TFEC: variants seen among roughly 807,000 people sequenced by gnomAD.
TFEC encodes the protein transcription factor EC.
In TFEC, 31 loss-of-function variants were observed where a neutral mutation model predicts 41.6. The ratio of observed to expected loss-of-function variants is 0.74; its 90% confidence interval spans 0.56 to 1.01. The LOEUF (loss-of-function observed/expected upper bound fraction) is 1.01. Ranked by LOEUF, TFEC falls within the 50% of genes least tolerant of loss-of-function variation. TFEC has a pLI of 0.00. For synonymous variants in TFEC, 143 were observed against 140.6 expected (o/e 1.02, Z -0.12); for missense variants, 402 against 404.1 (o/e 0.99, Z 0.04).
intron 1 of TFEC, among the ~76,000 whole-genome samples, chr7:115,993,465 C>A (rs1176775494): frequency 4.6e-5 from 7 of 152,326 alleles, no homozygotes; most frequent in Non-Finnish European, 5.9e-5. Flanking sequence ...ACCCCATCAT[C>A]TCAGCCCAAA....
intron 3 of TFEC, among the ~76,000 whole-genome samples, chr7:116,069,470 T>C (rs1356290402): frequency 6.6e-6 from 1 of 151,654 alleles, no homozygotes; most frequent in Non-Finnish European, 1.5e-5. Flanking sequence ...GAGGAAAAGT[T>C]CAAAGAATAC....
intron 1 of TFEC, among the ~76,000 whole-genome samples, chr7:116,141,167 T>G (rs958579152): frequency 6.6e-6 from 1 of 152,092 alleles, no homozygotes; most frequent in African/African-American, 2.4e-5. Flanking sequence ...GAGGAATGTA[T>G]CAGTAAGGCA....
At chr7:116,029,868 G>T (rs1339168059) in intron 1 of TFEC, among the ~76,000 whole-genome samples, 2 of 151,536 alleles carry the variant, frequency 1.3e-5, no homozygotes, top group Non-Finnish European at 2.9e-5. Flanking sequence ...AGACAAGCCT[G>T]GCCAACATGG....
intron 3 of TFEC, among the ~76,000 whole-genome samples, chr7:116,072,836 T>C (rs901219263): frequency 2.0e-5 from 3 of 151,564 alleles, no homozygotes; most frequent in African/African-American, 7.2e-5. Flanking sequence ...AGGGTATCTA[T>C]GAAAAAACAC....
At chr7:116,118,667 C>G (rs934425486) in intron 1 of TFEC, among the ~76,000 whole-genome samples, 1 of 151,688 alleles carries the variant, frequency 6.6e-6, no homozygotes, top group South Asian at 2.1e-4. Flanking sequence ...AACACTTTTC[C>G]TCTAACAAAA....
chr7:115,963,386 CA>C (rs985304196), intron 3 of TFEC, among the ~76,000 whole-genome samples: 1 of 151,326 alleles, frequency 6.6e-6, no homozygotes, highest in African/African-American at 2.4e-5. Flanking sequence ...GGAAGTTCCT[CA>C]AAAGGTAAGT....
intron 3 of TFEC, among the ~76,000 whole-genome samples, chr7:116,071,147 C>T (rs1234201869): frequency 6.6e-6 from 1 of 150,896 alleles, no homozygotes; most frequent in Non-Finnish European, 1.5e-5. Context: ...GATCAAAAAG[C>T]CAACATTTTT....
In TFEC at chr7:116,148,951, T is replaced by C. The variant is rs564998013; in HGVS notation, c.-69+10839A>G. On this transcript the variant is annotated intron_variant, in intron 1 of 8. Transcript: ENST00000484212. ...CTAATCTCTGAGAAACTTTAAGCGA[T>C]CAGGGAGATAAGGGTAAATGGATCC... Among the ~76,000 whole-genome samples the C allele has an allele frequency of 2.7e-5, 4 of 148,976 alleles. No homozygotes were observed. The South Asian group carries it at 8.4e-4, about 31-fold the overall frequency.
chr7:115,974,361 C>A, intron 2 of TFEC, 105 bp from the exon 3 acceptor site: 2 of 554,240 alleles, frequency 3.6e-6, no homozygotes, highest in East Asian at 4.6e-5. Flanking sequence ...AGTTTTTAGA[C>A]AATTTAAATT....
chr7:115,948,314 T>C (rs1272031812), intron 6 of TFEC, among the ~76,000 whole-genome samples: 20 of 151,378 alleles, frequency 1.3e-4, no homozygotes, highest in Non-Finnish European at 2.8e-4. Context: ...TTCCAATCAA[T>C]AGAAAAAGAG....
In TFEC at chr7:116,079,422, T is replaced by G. The variant is rs4273774; in HGVS notation, c.198+31286A>C. ...TTTGTTGATGGTAAGATCGTATACC[T>G]AGAAAACTCTAAAGACTCATCCAAA... On this transcript the variant is annotated intron_variant, in intron 3 of 8. Transcript: ENST00000484212. Among the ~76,000 whole-genome samples the G allele has an allele frequency of 2.8e-4, 42 of 152,030 alleles. 1 individual carries two copies. The East Asian group carries it at 7.8e-3, about 28-fold the overall frequency.
intron 1 of TFEC, among the ~76,000 whole-genome samples, chr7:116,010,692 A>G (rs1374709522): frequency 6.6e-6 from 1 of 152,190 alleles, no homozygotes; most frequent in Non-Finnish European, 1.5e-5. Context: ...AGAACTAAAT[A>G]TGATGGATTC....
intron 4 of TFEC, among the ~76,000 whole-genome samples, chr7:115,956,417 G>GTA (rs1481489721): frequency 1.3e-5 from 2 of 149,888 alleles, no homozygotes; most frequent in Non-Finnish European, 3.0e-5. Context: ...GTATATATGT[G>GTA]TGTATATACA....
chr7:116,089,502 A>T (rs2131083798), intron 3 of TFEC, among the ~76,000 whole-genome samples: 1 of 152,278 alleles, frequency 6.6e-6, no homozygotes, highest in South Asian at 2.1e-4. Context: ...TTGCCAAATG[A>T]CTAAGTATAA....
intron 1 of TFEC, among the ~76,000 whole-genome samples, chr7:116,007,046 T>C (rs1272763044): frequency 6.6e-6 from 1 of 152,202 alleles, no homozygotes; most frequent in East Asian, 1.9e-4. Context: ...AATTTCCCAG[T>C]GTTGGGTGTG....
intron 3 of TFEC, among the ~76,000 whole-genome samples, chr7:116,057,022 A>G (rs574520044): frequency 1.2e-4 from 18 of 152,030 alleles, no homozygotes; most frequent in Non-Finnish European, 2.5e-4. Flanking sequence ...TGTGAGATGC[A>G]AAATACGCTG....
chr7:115,949,052 A>T (rs1791776414), intron 6 of TFEC, among the ~76,000 whole-genome samples: 1 of 152,186 alleles, frequency 6.6e-6, no homozygotes, highest in Non-Finnish European at 1.5e-5. Flanking sequence ...TTATACACAA[A>T]TAACAGACAA....
At chr7:115,995,311 T>C (rs1794316659) in intron 1 of TFEC, among the ~76,000 whole-genome samples, 1 of 151,852 alleles carries the variant, frequency 6.6e-6, no homozygotes. Context: ...AACCTGCACA[T>C]TGTGCACATG....
chr7:116,127,454 C>T (rs1798237133), intron 1 of TFEC, among the ~76,000 whole-genome samples: 1 of 152,130 alleles, frequency 6.6e-6, no homozygotes, highest in African/African-American at 2.4e-5. Flanking sequence ...TTTACTTTTA[C>T]TGAAAGCAGT....
Sources: allele counts gnomAD v4.1 joint callset (sites outside exome capture counted in the v4.1 genomes callset), GRCh38; gene constraint gnomAD v4.1.1; transcripts MANE v1.5; gene names NCBI Gene and HGNC (gene_info 2026-07-23, HGNC 2026-07-21).